CDH6: variants seen among roughly 807,000 people sequenced by gnomAD.
CDH6 encodes the protein cadherin-6.
CDH6 carries 31 observed loss-of-function variants against 78.0 expected under a neutral mutation model. That is an observed-to-expected ratio of 0.40 (90% CI 0.30 to 0.54). CDH6 has a LOEUF of 0.54. CDH6 is among the 20% of genes least tolerant of loss of function. The pLI is 0.56. For missense variants in CDH6, 724 were observed against 975.9 expected, an observed-to-expected ratio of 0.74 and a Z score of 3.44; for synonymous variants, 376 against 368.8, an observed-to-expected ratio of 1.02 and a Z score of -0.23.
chr5:31,294,030 T>G lies in CDH6; in HGVS notation c.297T>G (p.Asp99Glu). Residue 99 changes from aspartate to glutamate, a missense_variant, in exon 3 of 12, where the codon GAT becomes GAG. Asp to Glu is a conservative substitution (Grantham distance 45). Around this residue, in one of 3 missense-constraint regions of CDH6, gnomAD observed 446 missense variants for 684.5 expected, o/e 0.65. Transcript: ENST00000265071. This position sits in a 1 kb window ranked among gnomAD's most constrained non-coding sequence, Gnocchi z 4.1. The part of the protein sequence containing the change: ...KYILSGDGAG[D>E]LFIINENTGD... ...TCCTTTCAGGAGATGGAGCAGGAGA[T>G]CTCTTCATTATTAATGAAAACACAG... 1 of 1,612,262 alleles carries G rather than the reference T, an allele frequency of 6.2e-7. No individual in the cohort carries two copies. The highest frequency in any genetic ancestry group is 8.5e-7 in the Non-Finnish European group (1 of 1,179,124).
intron 1 of CDH6, among the ~76,000 whole-genome samples, chr5:31,227,478 T>C (rs1017796925): frequency 2.0e-5 from 3 of 152,212 alleles, no homozygotes; most frequent in African/African-American, 7.2e-5. Context: ...ATTTGCTTTA[T>C]AGTTTTTGGG....
intron 1 of CDH6, among the ~76,000 whole-genome samples, chr5:31,199,641 T>TTG (rs1173914420): frequency 1.6e-4 from 20 of 128,102 alleles, no homozygotes; most frequent in African/African-American, 5.4e-4. Flanking sequence ...ATATATACGT[T>TTG]TGTGTGTGTG....
chr5:31,298,727 A>AT lies in CDH6; in HGVS notation c.644-733dup, dbSNP rs567586349. On this transcript the variant is annotated intron_variant, in intron 4 of 11. Transcript: ENST00000265071. ...GCAAACTTTTAGAAGTTCTTTAACT[A>AT]TTTTATAACAACCTAACAACAGAGA... 3.5e-4 allele frequency among the ~76,000 whole-genome samples: 54 copies of AT among 152,314 alleles called. 1 individual carries two copies. The South Asian group carries it at 9.5e-3, about 27-fold the overall frequency.
rs116434589 is a variant in CDH6, at chr5:31,248,734, C to T, written c.-128-18612C>T. ...CTCTCACAAGCAAAACATGCACACA[C>T]ACACACACACACAATTATACCACCC... On this transcript the variant is annotated intron_variant, in intron 1 of 11. Coordinates refer to ENST00000265071, the MANE Select transcript of CDH6 (RefSeq NM_004932.4). Among the ~76,000 whole-genome samples, 865 of 152,242 alleles carry T rather than the reference C, an allele frequency of 5.7e-3. 6 individuals carry two copies. Among genetic ancestry groups the T allele is most frequent in the African/African-American group, 0.02 (823 of 41,528 alleles).
chr5:31,252,506 CAGT>C (rs1354609667), intron 1 of CDH6, among the ~76,000 whole-genome samples: 2 of 152,122 alleles, frequency 1.3e-5, no homozygotes, highest in Admixed American at 6.5e-5. Flanking sequence ...CTGAGTTTGA[CAGT>C]AGTTTATAGA....
At chr5:31,238,532 C>G (rs1045914255) in intron 1 of CDH6, among the ~76,000 whole-genome samples, 1 of 152,112 alleles carries the variant, frequency 6.6e-6, no homozygotes, top group Non-Finnish European at 1.5e-5. Flanking sequence ...TTTGTTTTCA[C>G]TATCGTAATC....
intron 2 of CDH6, among the ~76,000 whole-genome samples, chr5:31,271,915 G>A (rs1742541099): frequency 6.6e-6 from 1 of 152,160 alleles, no homozygotes; most frequent in African/African-American, 2.4e-5. Flanking sequence ...CAGAAATTCT[G>A]ATTTAGTTGG....
rs1005728066 is a variant in CDH6, at chr5:31,320,561, C to T, written c.1883-2257C>T. Among the ~76,000 whole-genome samples the T allele has an allele frequency of 3.3e-5, 5 of 152,204 alleles. No homozygotes were observed. In the East Asian group the frequency reaches 7.7e-4, roughly 24 times the overall value. On this transcript the variant is annotated intron_variant, in intron 11 of 11. Transcript: ENST00000265071. ...CTTCCAACCCTCTGTTTTGCAAATC[C>T]GTGTCATTGTTCACACTGGCAACCA... is the stretch of plus-strand genomic sequence containing the variant.
rs2149963405 is a variant in CDH6 at position 31,325,404 on chromosome 5, T to C, written c.*2096T>C. On this transcript the variant is annotated 3_prime_UTR_variant, in exon 12 of 12. Coordinates refer to ENST00000265071, the MANE Select transcript of CDH6 (RefSeq NM_004932.4). ...AGGTCTTCACTCTAATGAATTGATA[T>C]GTATCATAGTCACAGGTAAGTGTTG... 1 of 232,452 alleles carries C rather than the reference T, an allele frequency of 4.3e-6. No individual in the cohort carries two copies. Among genetic ancestry groups the C allele is most frequent in the East Asian group, 6.1e-5 (1 of 16,432 alleles). 14.4% of individuals were successfully genotyped at this position (232,452 alleles called of 1,614,324 possible). A position where few individuals can be genotyped will look rare whatever the true frequency, so the allele number is the denominator to read the frequency against.
At chr5:31,308,340 C>T (rs1287049140) in intron 7 of CDH6, among the ~76,000 whole-genome samples, 5 of 151,004 alleles carry the variant, frequency 3.3e-5, no homozygotes, top group Non-Finnish European at 4.4e-5. Flanking sequence ...TTTATGCAAA[C>T]ATACATCCTT....
At chr5:31,227,068 A>C (rs942287918) in intron 1 of CDH6, among the ~76,000 whole-genome samples, 3 of 151,926 alleles carry the variant, frequency 2.0e-5, no homozygotes, top group African/African-American at 7.3e-5. Context: ...CAGCAGACAC[A>C]CTCCTCTTAA....
chr5:31,260,964 T>C (rs769308726), intron 1 of CDH6, among the ~76,000 whole-genome samples: 5 of 152,236 alleles, frequency 3.3e-5, no homozygotes. Flanking sequence ...CCATGCTCTA[T>C]AGACACATTT....
At chr5:31,259,997 A>G (rs1269782440) in intron 1 of CDH6, among the ~76,000 whole-genome samples, 1 of 152,202 alleles carries the variant, frequency 6.6e-6, no homozygotes, top group Non-Finnish European at 1.5e-5. Flanking sequence ...TTAATCCACA[A>G]ATGAGGATGT....
chr5:31,325,459 TACTC>T lies in CDH6; in HGVS notation c.*2153_*2156del, dbSNP rs1229430981. Reference sequence around the variant, plus strand: ...AAGCTTAGTAAAGTTAGAAGCTACTTACTCATAGCAATAGAACAGCACCTTAATC... The same window carrying T: ...AAGCTTAGTAAAGTTAGAAGCTACTTATAGCAATAGAACAGCACCTTAATC... On this transcript the variant is annotated 3_prime_UTR_variant, in exon 12 of 12. Transcript: ENST00000265071. 8.6e-6 allele frequency: 2 copies of T among 231,694 alleles called. No homozygotes were observed. The highest frequency in any genetic ancestry group is 1.2e-4 in the East Asian group (2 of 16,312). The allele number at this position is 231,694 out of a possible 1,614,324, so 14.4% of individuals were successfully genotyped here.
chr5:31,311,357 G>C (rs758139936), intron 7 of CDH6, among the ~76,000 whole-genome samples: 10 of 152,142 alleles, frequency 6.6e-5, no homozygotes, highest in Non-Finnish European at 1.2e-4. Flanking sequence ...CCTCAGCCTG[G>C]ACTTCACTGT....
At chr5:31,202,120 C>G (rs201036635) in intron 1 of CDH6, among the ~76,000 whole-genome samples, 1 of 149,918 alleles carries the variant, frequency 6.7e-6, no homozygotes, top group Non-Finnish European at 1.5e-5. Flanking sequence ...CTTTTTTTTT[C>G]TAAAAGTGAA....
chr5:31,221,762 G>T lies in CDH6; in HGVS notation c.-129+27876G>T, dbSNP rs144367247. Among the ~76,000 whole-genome samples, 532 of 152,296 alleles carry T rather than the reference G, an allele frequency of 3.5e-3. 5 individuals are homozygous for T. Among genetic ancestry groups the T allele is most frequent in the African/African-American group, 0.012 (513 of 41,576 alleles). ...CATGTAAGGTACTGGGGAGAGAGTT[G>T]TTTAAGAAAGATGATGTGATGTGGT... On this transcript the variant is annotated intron_variant, in intron 1 of 11. Transcript: ENST00000265071.
chr5:31,283,557 G>A (rs544610259), intron 2 of CDH6, among the ~76,000 whole-genome samples: 87 of 152,154 alleles, frequency 5.7e-4, no homozygotes, highest in African/African-American at 2.1e-3. Context: ...CCATGATATG[G>A]GCTTAACAAA....
intron 11 of CDH6, among the ~76,000 whole-genome samples, chr5:31,321,015 T>A (rs886831715): frequency 2.6e-5 from 4 of 151,704 alleles, no homozygotes; most frequent in Non-Finnish European, 5.9e-5. Context: ...TATGTTCATA[T>A]GGGCTCCTCA....
Sources: allele counts gnomAD v4.1 joint callset (sites outside exome capture counted in the v4.1 genomes callset), GRCh38; gene constraint gnomAD v4.1.1; regional missense constraint gnomAD v4.1.1; non-coding constraint Gnocchi (gnomAD v3.1); transcripts MANE v1.5; gene names NCBI Gene and HGNC (gene_info 2026-07-23, HGNC 2026-07-21).